Variants in PLCB2 observed in about 807,000 individuals in gnomAD.
PLCB2 encodes 1-phosphatidylinositol 4,5-bisphosphate phosphodiesterase beta-2.
PLCB2 carries 115 observed loss-of-function variants against 141.7 expected under a neutral mutation model. The observed-to-expected ratio is 0.81, with a 90% CI of 0.70 to 0.95. The LOEUF (loss-of-function observed/expected upper bound fraction) is 0.95, where lower values mean the gene tolerates loss of function less well. PLCB2 is among the 40% of genes least tolerant of loss of function. The pLI is 0.00. For synonymous variants in PLCB2, 603 were observed against 595.6 expected, an observed-to-expected ratio of 1.01 and a Z score of -0.18; for missense variants, 1,403 against 1,541.1, an observed-to-expected ratio of 0.91 and a Z score of 1.50.
At chr15:40,289,623 T>C in intron 30 of PLCB2, 1 of 548,226 alleles carries the variant, frequency 1.8e-6, no homozygotes, top group Non-Finnish European at 3.3e-6. Context: ...CTGTGGTTAA[T>C]GATCCCTAGG....
At chr15:40,292,563 A>T (rs1188075928) in intron 21 of PLCB2, 120 bp from the exon 22 acceptor site, 1 of 623,674 alleles carries the variant, frequency 1.6e-6, no homozygotes, top group African/African-American at 1.8e-5. Context: ...GTGTGACTTC[A>T]GCCAGGTTAC....
chr15:40,303,851 C>G (rs1035040393), intron 2 of PLCB2, 150 bp downstream of exon 2: 5 of 594,674 alleles, frequency 8.4e-6, no homozygotes, highest in African/African-American at 3.7e-5. Context: ...GAGCAAAGAG[C>G]CCCTGCCTAC....
chr15:40,298,535 G>T (rs750901515), intron 10 of PLCB2, 27 bp downstream of exon 10: 3 of 1,614,088 alleles, frequency 1.9e-6, no homozygotes, highest in South Asian at 2.2e-5. Context: ...GAAAGCAGAG[G>T]TTGGCACCAA....
chr15:40,306,489 T>C lies in PLCB2; in HGVS notation c.84+1100A>G, dbSNP rs149031496. On this transcript the variant is annotated intron_variant, in intron 1 of 31. Coordinates refer to ENST00000260402, the MANE Select transcript of PLCB2 (RefSeq NM_004573.3). ...GAGGAACTGAGAGAGGCCACTTCGC[T>C]TTTCATTCTGAGCCACTTCCCTCAT... 2.8e-3 allele frequency among the ~76,000 whole-genome samples: 421 copies of C among 152,244 alleles called. 4 individuals carry two copies. The highest frequency in any genetic ancestry group is 3.9e-3 in the Non-Finnish European group (265 of 68,008).
rs1322322465 is a variant in PLCB2, at chr15:40,291,255, C to A, written c.2870+10G>T. On this transcript the variant is annotated intron_variant, in intron 26 of 31. Transcript: ENST00000260402. ...CGCTGCAGAGGGCAGGGCACCGCCA[C>A]GAGCCTTACCTCTTCTTGCGAGAGC... The A allele has an allele frequency of 3.8e-6, 6 of 1,573,514 alleles. No individual in the cohort carries two copies. The South Asian group carries it at 4.6e-5, about 12-fold the overall frequency.
chr15:40,306,227 C>A (rs2040787483), intron 1 of PLCB2, among the ~76,000 whole-genome samples: 1 of 152,198 alleles, frequency 6.6e-6, no homozygotes, highest in Non-Finnish European at 1.5e-5. Flanking sequence ...CCAAAAGCAG[C>A]CTGAAAGCAG....
At chr15:40,293,146 G>A in intron 20 of PLCB2, 121 bp from the exon 21 acceptor site, 1 of 637,162 alleles carries the variant, frequency 1.6e-6, no homozygotes, top group East Asian at 2.8e-5. Flanking sequence ...CAGATTTGGT[G>A]AGGACAGACA....
chr15:40,306,394 T>G (rs2040797887), intron 1 of PLCB2, among the ~76,000 whole-genome samples: 1 of 152,142 alleles, frequency 6.6e-6, no homozygotes, highest in Admixed American at 6.5e-5. Flanking sequence ...CAGTCTCCGC[T>G]GGCCACCAAC....
chr15:40,295,098 C>T (rs768682959), intron 17 of PLCB2, 38 bp from the exon 18 acceptor site: 4 of 1,609,694 alleles, frequency 2.5e-6, no homozygotes, highest in East Asian at 2.2e-5. Flanking sequence ...AGGCCATCTG[C>T]ACCAGGAGAA....
chr15:40,303,586 C>T (rs2040637300), intron 2 of PLCB2, among the ~76,000 whole-genome samples: 1 of 152,130 alleles, frequency 6.6e-6, no homozygotes, highest in African/African-American at 2.4e-5. Context: ...CTGTCCATTC[C>T]TCCCTGGCAG....
downstream of PLCB2, chr15:40,287,841 T>G (rs189793530): frequency 6.2e-4 from 473 of 762,060 alleles, 10 homozygotes; most frequent in Non-Finnish European, 1.2e-4. Flanking sequence ...CCGTTTCATT[T>G]CAGGGGCACT....
Position 40,288,610 on chromosome 15 carries a change from C to A in PLCB2, c.*105G>T. On this transcript the variant is annotated 3_prime_UTR_variant, in exon 32 of 32. Transcript: ENST00000260402. ...GCAGCGTCCAAGGCAGCCACAGGTT[C>A]CCACAGCCTCAGAAGGCTGGGGCTC... is the stretch of plus-strand genomic sequence containing the variant. The A allele has an allele frequency of 1.4e-6, 2 of 1,422,350 alleles. No individual in the cohort carries two copies. Among genetic ancestry groups the A allele is most frequent in the South Asian group, 3.1e-5 (2 of 63,594 alleles). 88.1% of individuals were successfully genotyped at this position (1,422,350 alleles called of 1,614,324 possible).
chr15:40,299,295 C>A, intron 7 of PLCB2, 67 bp from the exon 8 acceptor site: 1 of 1,100,196 alleles, frequency 9.1e-7, no homozygotes, highest in Non-Finnish European at 1.4e-6. Flanking sequence ...CAAACTCGGC[C>A]CAGCCCTGGT....
Position 40,296,801 on chromosome 15 carries a change from A to G in PLCB2, c.1431T>C (p.Thr477=), listed in dbSNP as rs2229691. ...FSGPTSSSKD[T]GGEAEGSSPP... is the part of the protein sequence containing the mutation. Reference sequence around the variant, plus strand: ...GGCTGCTGCCCTCAGCCTCCCCACCAGTATCCTTACTGGAGGAGGTGGGGC... The same window carrying G: ...GGCTGCTGCCCTCAGCCTCCCCACCGGTATCCTTACTGGAGGAGGTGGGGC... Residue 477 remains threonine (T), a synonymous_variant, in exon 14 of 32, where the codon ACT becomes ACC. Coordinates refer to ENST00000260402, the MANE Select transcript of PLCB2 (RefSeq NM_004573.3). 0.27 allele frequency: 428,376 copies of G among 1,613,802 alleles called. 66,164 individuals carry two copies. The highest frequency in any genetic ancestry group is 0.71 in the East Asian group (31,922 of 44,866).
At position 40,288,025 on chromosome 15, in the gene PLCB2, G is replaced by T. The variant is rs2039649848; in HGVS notation, c.*690C>A. ...GCAGGCAGCCTGAGAGGGGTACATG[G>T]TAGGAACTGCCTGCCCCCAGGCCTA... On this transcript the variant is annotated 3_prime_UTR_variant, in exon 32 of 32. Coordinates refer to ENST00000260402, the MANE Select transcript of PLCB2 (RefSeq NM_004573.3). The T allele has an allele frequency of 3.0e-6, 3 of 985,320 alleles. No homozygotes were observed. The highest frequency in any genetic ancestry group is 4.7e-5 in the South Asian group (1 of 21,290). 61.0% of individuals were successfully genotyped at this position (985,320 alleles called of 1,614,324 possible).
rs779503405 is a variant in PLCB2, at chr15:40,296,384, C to G, written c.1608G>C (p.Ala536=). The change falls in exon 16 of 32, where the codon GCG becomes GCC. Residue 536 remains alanine (A), a synonymous_variant. Coordinates refer to ENST00000260402, the MANE Select transcript of PLCB2 (RefSeq NM_004573.3). ...CCTCATAAGCCGTCACTTCCAGGCC[C>G]GCTGTGCCCTAAGGAGAAGAGGGGA... ...IKKMQSDEGT[A]GLEVTAYEEM... The G allele has an allele frequency of 3.1e-6, 5 of 1,613,716 alleles. No individual in the cohort carries two copies. Among genetic ancestry groups the G allele is most frequent in the South Asian group, 1.1e-5 (1 of 90,962 alleles).
At chr15:40,287,814 A>ATT, downstream of PLCB2, 1 of 528,040 alleles carries the variant, frequency 1.9e-6, no homozygotes, top group Non-Finnish European at 2.4e-6. Context: ...CTCCCAAGAG[A>ATT]TTTTTTTTTC....
Position 40,297,073 on chromosome 15 carries a change from G to A in PLCB2, c.1324-165C>T, listed in dbSNP as rs1415006967. ...CTGAGATAAATCCAGCTTATCCCTT[G>A]GAGTAAATGCGGCTCATCTTGTGCT... On this transcript the variant is annotated intron_variant, in intron 13 of 31. Coordinates refer to ENST00000260402, the MANE Select transcript of PLCB2 (RefSeq NM_004573.3). The surrounding 1 kb of genome is among the most constrained non-coding windows in gnomAD (Gnocchi z 4.2). Among the ~76,000 whole-genome samples the A allele has an allele frequency of 6.6e-6, 1 of 152,122 alleles. No individual in the cohort carries two copies. The highest frequency in any genetic ancestry group is 1.5e-5 in the Non-Finnish European group (1 of 68,022).
At position 40,288,645 on chromosome 15, in the gene PLCB2, G is replaced by T. The variant is rs2039676345; in HGVS notation, c.*70C>A. 3.4e-6 allele frequency: 5 copies of T among 1,452,466 alleles called. No individual in the cohort carries two copies. The highest frequency in any genetic ancestry group is 3.6e-6 in the Non-Finnish European group (4 of 1,100,532). The allele number at this position is 1,452,466 out of a possible 1,614,324, so 90.0% of individuals were successfully genotyped here. On this transcript the variant is annotated 3_prime_UTR_variant, in exon 32 of 32. Coordinates refer to ENST00000260402, the MANE Select transcript of PLCB2 (RefSeq NM_004573.3). ...CAGAAGGCTGGGGCTCCTTTTTCCTGGGGGAATAGAACCACATCCCAGAGA... is the reference window on the plus strand; with the variant it reads ...CAGAAGGCTGGGGCTCCTTTTTCCTTGGGGAATAGAACCACATCCCAGAGA...
Sources: allele counts gnomAD v4.1 joint callset (sites outside exome capture counted in the v4.1 genomes callset), GRCh38; gene constraint gnomAD v4.1.1; non-coding constraint Gnocchi (gnomAD v3.1); transcripts MANE v1.5; gene names NCBI Gene and HGNC (gene_info 2026-07-23, HGNC 2026-07-21).